Variants in INPP5A observed in about 807,000 individuals in gnomAD.
INPP5A encodes the protein inositol polyphosphate-5-phosphatase A, also known as 43 kDa inositol polyphosphate 5-phophatase.
In INPP5A, 14 loss-of-function variants were observed where a neutral mutation model predicts 65.2. The ratio of observed to expected loss-of-function variants is 0.21; its 90% CI spans 0.14 to 0.34. INPP5A has a LOEUF of 0.34. Ranked by LOEUF, INPP5A falls within the 10% of genes least tolerant of loss-of-function variation. INPP5A has a pLI of 1.00. For synonymous variants in INPP5A, 207 were observed against 208.3 expected (o/e 0.99, Z 0.05); for missense variants, 431 against 545.6 (o/e 0.79, Z 2.09).
At chr10:132,574,795 A>T (rs1264461446) in intron 1 of INPP5A, among the ~76,000 whole-genome samples, 4 of 150,254 alleles carry the variant, frequency 2.7e-5, no homozygotes, top group Non-Finnish European at 5.9e-5. Flanking sequence ...GGTTCAAGCC[A>T]TTTTCCTGCC....
At chr10:132,568,703 G>A (rs962563983) in intron 1 of INPP5A, among the ~76,000 whole-genome samples, 2 of 152,114 alleles carry the variant, frequency 1.3e-5, no homozygotes, top group Admixed American at 6.5e-5. Context: ...GTTCCAGTGA[G>A]CCGAGATTGC....
At chr10:132,619,539 C>T (rs1299329857) in intron 2 of INPP5A, among the ~76,000 whole-genome samples, 2 of 152,168 alleles carry the variant, frequency 1.3e-5, no homozygotes, top group African/African-American at 4.8e-5. Flanking sequence ...TGGTGGCCCC[C>T]TGCTCACAGA....
intron 4 of INPP5A, among the ~76,000 whole-genome samples, chr10:132,657,010 A>G (rs1031680096): frequency 6.6e-6 from 1 of 152,188 alleles, no homozygotes; most frequent in Non-Finnish European, 1.5e-5. Flanking sequence ...GGCAGCCACA[A>G]GCCGAGGCGT....
chr10:132,577,394 C>T (rs1395001597), intron 1 of INPP5A, among the ~76,000 whole-genome samples: 1 of 152,224 alleles, frequency 6.6e-6, no homozygotes, highest in Non-Finnish European at 1.5e-5. Flanking sequence ...TACCTGGCAT[C>T]CTACAGGTGG....
chr10:132,547,908 AT>A lies in INPP5A; in HGVS notation c.75+9750del, dbSNP rs1006735274. ...GGTGGGGACCATGGTGTCTTTTTTA[AT>A]TTTTTTTTTTTTAAGATGGACACTC... On this transcript the variant is annotated intron_variant, in intron 1 of 15. Transcript: ENST00000368594. This position sits in a 1 kb window ranked among gnomAD's most constrained non-coding sequence, Gnocchi z 5.5. Among the ~76,000 whole-genome samples the A allele has an allele frequency of 0.011, 1,589 of 142,572 alleles. 20 individuals are homozygous for A. The highest frequency in any genetic ancestry group is 0.037 in the African/African-American group (1,442 of 38,986). The allele number at this position is 142,572 out of a possible 152,430, so 93.5% of individuals were successfully genotyped here. A position where few individuals can be genotyped will look rare whatever the true frequency, so the allele number is the denominator to read the frequency against.
At chr10:132,737,896 G>A (rs1184148455) in intron 9 of INPP5A, among the ~76,000 whole-genome samples, 2 of 152,178 alleles carry the variant, frequency 1.3e-5, no homozygotes, top group East Asian at 1.9e-4. Flanking sequence ...TTATAGTGAT[G>A]ACATTAGGCT....
chr10:132,537,955 C>A lies in INPP5A; in HGVS notation c.-142C>A, dbSNP rs2070859949. On this transcript the variant is annotated 5_prime_UTR_variant, in exon 1 of 16. Transcript: ENST00000368594. Reference sequence around the variant, plus strand: ...GAGCCCCGGCCAGGCCCGGCCGACCCGCCGAGCCCGCGATGCGCCCCGGGG... The same window carrying A: ...GAGCCCCGGCCAGGCCCGGCCGACCAGCCGAGCCCGCGATGCGCCCCGGGG... The A allele has an allele frequency of 5.7e-6, 1 of 176,392 alleles. No individual in the cohort carries two copies. The highest frequency in any genetic ancestry group is 1.7e-4 in the South Asian group (1 of 5,760). The allele number at this position is 176,392 out of a possible 1,614,324, so 10.9% of individuals were successfully genotyped here. A position where few individuals can be genotyped will look rare whatever the true frequency, so the allele number is the denominator to read the frequency against.
chr10:132,710,067 C>T (rs1192744950), intron 7 of INPP5A, among the ~76,000 whole-genome samples: 2 of 152,264 alleles, frequency 1.3e-5, no homozygotes, highest in African/African-American at 4.8e-5. Flanking sequence ...TCCATAGTCA[C>T]CTGTAAGTTT....
At chr10:132,736,555 G>A (rs1021440051) in intron 9 of INPP5A, among the ~76,000 whole-genome samples, 1 of 152,202 alleles carries the variant, frequency 6.6e-6, no homozygotes, top group African/African-American at 2.4e-5. Context: ...CCCAAAACAC[G>A]GCTCTCAATG....
chr10:132,688,788 G>A (rs538629549), intron 4 of INPP5A, among the ~76,000 whole-genome samples: 10 of 149,732 alleles, frequency 6.7e-5, no homozygotes, highest in African/African-American at 2.2e-4. Flanking sequence ...TCGTGTGTGA[G>A]CAAGTGCGTG....
chr10:132,605,210 T>G (rs1351705367), intron 1 of INPP5A, among the ~76,000 whole-genome samples: 65 of 3,722 alleles, frequency 0.017, no homozygotes, highest in Admixed American at 0.024. Context: ...CAGGAGGGAG[T>G]GGGGGAGGGG....
chr10:132,774,047 C>T (rs535231020), intron 12 of INPP5A, among the ~76,000 whole-genome samples: 1 of 152,350 alleles, frequency 6.6e-6, no homozygotes, highest in East Asian at 1.9e-4. Context: ...CAGGCGTGAG[C>T]CCCCATGCCC....
chr10:132,735,867 A>C lies in INPP5A; in HGVS notation c.732+8962A>C, dbSNP rs139842903. Among the ~76,000 whole-genome samples, 728 of 152,302 alleles carry C rather than the reference A, an allele frequency of 4.8e-3. 6 individuals are homozygous for C. Among genetic ancestry groups the C allele is most frequent in the African/African-American group, 0.017 (692 of 41,558 alleles). On this transcript the variant is annotated intron_variant, in intron 9 of 15. Coordinates refer to ENST00000368594, the MANE Select transcript of INPP5A (RefSeq NM_005539.5). ...TGGCCCTGGAGGCTCTCAGACCCCG[A>C]GGTGGAGACCTGCTTGTGATTTTTG...
In INPP5A at chr10:132,627,478, G is replaced by A. The variant is rs2072201041; in HGVS notation, c.118-18390G>A. On this transcript the variant is annotated intron_variant, in intron 2 of 15. Transcript: ENST00000368594. The surrounding 1 kb of genome is among the most constrained non-coding windows in gnomAD (Gnocchi z 6.6). ...AAGATGCGTGCAGCTGTCCGCGGTGGCTGCCTCGTCCAGCAGCGTCCCTGC... is the reference window on the plus strand; with the variant it reads ...AAGATGCGTGCAGCTGTCCGCGGTGACTGCCTCGTCCAGCAGCGTCCCTGC... Among the ~76,000 whole-genome samples, 1 of 152,332 alleles carries A rather than the reference G, an allele frequency of 6.6e-6. No homozygotes were observed. Among genetic ancestry groups the A allele is most frequent in the Non-Finnish European group, 1.5e-5 (1 of 68,032 alleles).
intron 4 of INPP5A, among the ~76,000 whole-genome samples, chr10:132,660,702 A>G (rs1485277931): frequency 6.6e-6 from 1 of 152,176 alleles, no homozygotes; most frequent in African/African-American, 2.4e-5. Context: ...GTATCAGGTA[A>G]AGAAATTTGA....
At position 132,753,363 on chromosome 10, in the gene INPP5A, C is replaced by T. The variant is rs149850507; in HGVS notation, c.903+3518C>T. Among the ~76,000 whole-genome samples, 2 of 152,270 alleles carry T rather than the reference C, an allele frequency of 1.3e-5. No individual in the cohort carries two copies. The highest frequency in any genetic ancestry group is 2.9e-5 in the Non-Finnish European group (2 of 68,026). The stretch of plus-strand genomic sequence containing the variant: ...GCAGGATGGATGTGCCTGCGCCGGT[C>T]GCAGCCCCAAGTCCATTGCATCCTT... On this transcript the variant is annotated intron_variant, in intron 11 of 15. Transcript: ENST00000368594. The surrounding 1 kb of genome is among the most constrained non-coding windows in gnomAD (Gnocchi z 5.3).
Position 132,650,654 on chromosome 10 carries a change from T to C in INPP5A, c.306+149T>C, listed in dbSNP as rs1590895085. 1 of 643,408 alleles carries C rather than the reference T, an allele frequency of 1.6e-6. No individual in the cohort carries two copies. The highest frequency in any genetic ancestry group is 2.8e-5 in the East Asian group (1 of 36,192). 39.9% of individuals were successfully genotyped at this position (643,408 alleles called of 1,614,324 possible). A position where few individuals can be genotyped will look rare whatever the true frequency, so the allele number is the denominator to read the frequency against. On this transcript the variant is annotated intron_variant, in intron 4 of 15. Transcript: ENST00000368594. The surrounding 1 kb of genome is among the most constrained non-coding windows in gnomAD (Gnocchi z 5.5). ...CCTGCCTGGCACTCCCGCAGCCTGC[T>C]TGGTGGTCTGCTCGTGGTCTGAGCC...
At chr10:132,723,705 T>C (rs1845934712) in intron 8 of INPP5A, among the ~76,000 whole-genome samples, 1 of 151,946 alleles carries the variant, frequency 6.6e-6, no homozygotes, top group African/African-American at 2.4e-5. Flanking sequence ...TGGGGATGGC[T>C]TTGGTATCTT....
At chr10:132,553,269 C>T (rs1291809830) in intron 1 of INPP5A, among the ~76,000 whole-genome samples, 2 of 117,610 alleles carry the variant, frequency 1.7e-5, no homozygotes, top group African/African-American at 3.4e-5. Flanking sequence ...GATTGGTGAA[C>T]GCCTTCTCAG....
Sources: allele counts gnomAD v4.1 joint callset (sites outside exome capture counted in the v4.1 genomes callset), GRCh38; gene constraint gnomAD v4.1.1; non-coding constraint Gnocchi (gnomAD v3.1); transcripts MANE v1.5; gene names NCBI Gene and HGNC (gene_info 2026-07-23, HGNC 2026-07-21).